The following RO60 variants were observed in gnomAD, a reference collection of about 807,000 sequenced individuals.
RO60 encodes the protein RNA-binding protein RO60.
A neutral mutation model predicts 55.3 loss-of-function variants in RO60; 20 were observed. That is an observed-to-expected ratio of 0.36 (90% CI 0.25 to 0.53). RO60 has a LOEUF of 0.53. Ranked by LOEUF, RO60 falls within the 20% of genes least tolerant of loss-of-function variation. RO60 has a pLI of 0.92. For synonymous variants in RO60, 213 were observed against 213.6 expected (o/e 1.00, Z 0.02); for missense variants, 558 against 646.6 (o/e 0.86, Z 1.49).
In RO60 at chr1:193,081,352, T is replaced by C; in HGVS notation, c.1087-12T>C. On this transcript the variant is annotated splice_polypyrimidine_tract_variant and intron_variant, in intron 5 of 8. Coordinates refer to ENST00000400968, the MANE Select transcript of RO60 (RefSeq NM_001173524.2). ...TGTTATGCTTTTAATGATTGTTTTG[T>C]TTTCTCTGTAGACAGTTGAACCAAC... The C allele has an allele frequency of 1.4e-6, 2 of 1,470,642 alleles. No individual in the cohort carries two copies. The highest frequency in any genetic ancestry group is 9.5e-7 in the Non-Finnish European group (1 of 1,058,004). The allele number at this position is 1,470,642 out of a possible 1,614,324, so 91.1% of individuals were successfully genotyped here. A position where few individuals can be genotyped will look rare whatever the true frequency, so the allele number is the denominator to read the frequency against.
Position 193,090,462 on chromosome 1 carries a change from G to A in RO60, c.*5731G>A, listed in dbSNP as rs1297339902. ...ATGGACTCTCTATATCTGGTATGGC[G>A]TGACTGGGCATAACTTCTGTAATGT... On this transcript the variant is annotated 3_prime_UTR_variant, in exon 9 of 9. Transcript: ENST00000400968. 3 of 151,286 alleles carry A rather than the reference G, an allele frequency of 2.0e-5. No individual in the cohort carries two copies. The highest frequency in any genetic ancestry group is 4.9e-5 in the African/African-American group (2 of 41,144). 9.4% of individuals were successfully genotyped at this position (151,286 alleles called of 1,614,324 possible).
chr1:193,068,834 T>C (rs1247451509), intron 1 of RO60, among the ~76,000 whole-genome samples, 200 bp from the exon 2 acceptor site: 2 of 152,228 alleles, frequency 1.3e-5, no homozygotes, highest in Admixed American at 1.3e-4. Context: ...CAGATATGGT[T>C]TTTTTCTTTC....
intron 5 of RO60, among the ~76,000 whole-genome samples, chr1:193,079,921 G>A (rs1674184715): frequency 1.3e-5 from 2 of 150,934 alleles, no homozygotes; most frequent in South Asian, 2.1e-4. Flanking sequence ...GAGGTCAGGA[G>A]TTCGAGACCA....
downstream of RO60, chr1:193,091,555 T>C: frequency 9.5e-7 from 1 of 1,053,538 alleles, no homozygotes; most frequent in Non-Finnish European, 1.4e-6. Flanking sequence ...TTTGCTGTTT[T>C]CTAATAGAGA....
chr1:193,078,741 C>T (rs1674096352), intron 5 of RO60, among the ~76,000 whole-genome samples: 1 of 151,868 alleles, frequency 6.6e-6, no homozygotes, highest in Non-Finnish European at 1.5e-5. Flanking sequence ...TAAATAGAAA[C>T]ACATCTGTGT....
chr1:193,065,838 T>C (rs1036551072), intron 1 of RO60, among the ~76,000 whole-genome samples: 2 of 152,190 alleles, frequency 1.3e-5, no homozygotes, highest in Non-Finnish European at 2.9e-5. Flanking sequence ...AGCAAATTTA[T>C]ACTAGCGTCT....
rs1674536843 is a variant in RO60, at chr1:193,084,603, ATTGT to A, written c.1494_1497del (p.Cys499GlufsTer2). 2 of 1,612,432 alleles carry A rather than the reference ATTGT, an allele frequency of 1.2e-6. No homozygotes were observed. The highest frequency in any genetic ancestry group is 1.3e-5 in the African/African-American group (1 of 74,964). On this transcript the variant is annotated frameshift_variant, in exon 9 of 9. Coordinates refer to ENST00000400968, the MANE Select transcript of RO60 (RefSeq NM_001173524.2). LOFTEE classifies it high-confidence loss of function. ...GAAAATGGATATTCCAGCTAAATTGATTGTTTGTGGAATGACATCAAATGGTTTC... is the reference window on the plus strand; with the variant it reads ...GAAAATGGATATTCCAGCTAAATTGATTGTGGAATGACATCAAATGGTTTC...
At chr1:193,064,700 G>C (rs569922645) in intron 1 of RO60, among the ~76,000 whole-genome samples, 1 of 152,306 alleles carries the variant, frequency 6.6e-6, no homozygotes, top group African/African-American at 2.4e-5. Flanking sequence ...AGGAAAACCT[G>C]AGCAGTTTCT....
At chr1:193,074,324 A>G (rs1003065204) in intron 2 of RO60, among the ~76,000 whole-genome samples, 1 of 152,184 alleles carries the variant, frequency 6.6e-6, no homozygotes, top group Non-Finnish European at 1.5e-5. Context: ...TGACTTCCAC[A>G]ATGGTTGAAC....
Position 193,082,328 on chromosome 1 carries a change from TAGTTA to T in RO60, c.1317+34_1317+38del, listed in dbSNP as rs1397784773. 5.3e-6 allele frequency: 8 copies of T among 1,496,982 alleles called. No individual in the cohort carries two copies. The African/African-American group carries it at 7.0e-5, about 13-fold the overall frequency. 92.7% of individuals were successfully genotyped at this position (1,496,982 alleles called of 1,614,324 possible). A position where few individuals can be genotyped will look rare whatever the true frequency, so the allele number is the denominator to read the frequency against. On this transcript the variant is annotated intron_variant, in intron 7 of 8. Coordinates refer to ENST00000400968, the MANE Select transcript of RO60 (RefSeq NM_001173524.2). ...AGAAACTGTGTTTTTTAAGTTTACT[TAGTTA>T]AGTTTACATAACGTGTAGAATGATT...
intron 1 of RO60, among the ~76,000 whole-genome samples, chr1:193,063,356 T>C (rs1351479005): frequency 6.6e-6 from 1 of 152,322 alleles, no homozygotes; most frequent in East Asian, 1.9e-4. Flanking sequence ...CTTTACCCAT[T>C]TGTGTGTCTT....
intron 8 of RO60, 52 bp downstream of exon 8, chr1:193,082,760 T>C (rs1030753747): frequency 7.0e-7 from 1 of 1,433,464 alleles, no homozygotes; most frequent in Non-Finnish European, 9.3e-7. Context: ...ATTTTAATAC[T>C]TGATTTTTTT....
At chr1:193,074,761 G>T (rs895717974) in intron 2 of RO60, among the ~76,000 whole-genome samples, 23 of 152,246 alleles carry the variant, frequency 1.5e-4, no homozygotes, top group African/African-American at 5.5e-4. Context: ...GTGAATTTTG[G>T]CTTTTGTTGC....
chr1:193,070,259 C>G (rs1198235661), intron 2 of RO60, among the ~76,000 whole-genome samples: 1 of 152,084 alleles, frequency 6.6e-6, no homozygotes, highest in African/African-American at 2.4e-5. Flanking sequence ...CCCCATCTTC[C>G]TAGGAACCCA....
chr1:193,076,801 A>G (rs902994878), intron 4 of RO60, 112 bp from the exon 5 acceptor site: 6 of 1,353,742 alleles, frequency 4.4e-6, no homozygotes, highest in Middle Eastern at 2.1e-4. Context: ...ATACATTTTC[A>G]TTTTTCTCTT....
chr1:193,074,548 T>C (rs1673761282), intron 2 of RO60, among the ~76,000 whole-genome samples: 1 of 152,216 alleles, frequency 6.6e-6, no homozygotes, highest in Non-Finnish European at 1.5e-5. Context: ...TTGAGAAGTG[T>C]CTGTTCATAT....
rs765495606 is a variant in RO60, at chr1:193,069,358, T to G, written c.304T>G (p.Cys102Gly). 1.9e-6 allele frequency: 3 copies of G among 1,614,086 alleles called. No homozygotes were observed. The highest frequency in any genetic ancestry group is 1.1e-5 in the South Asian group (1 of 91,084). ...MLFALAICSQ[C>G]SDISTKQAAF... ...CTTTGCACTTGCCATTTGTTCCCAG[T>G]GCTCCGACATAAGCACAAAACAAGC... Residue 102 changes from cysteine to glycine, a missense_variant, in exon 2 of 9, where the codon TGC becomes GGC. By Grantham distance (159) the Cys-to-Gly change is radical. Coordinates refer to ENST00000400968, the MANE Select transcript of RO60 (RefSeq NM_001173524.2).
intron 2 of RO60, 55 bp from the exon 3 acceptor site, chr1:193,075,763 TTC>T: frequency 7.8e-7 from 1 of 1,284,470 alleles, no homozygotes; most frequent in Middle Eastern, 2.0e-4. Flanking sequence ...AGGAAACATG[TTC>T]TGTTTTTTTA....
intron 8 of RO60, 26 bp from the exon 9 acceptor site, chr1:193,084,553 A>G: frequency 1.9e-6 from 3 of 1,590,402 alleles, no homozygotes; most frequent in Non-Finnish European, 1.7e-6. Context: ...TATGTTTTTA[A>G]TATGTATTTT....
Sources: gnomAD v4.1 joint callset for allele counts (sites outside exome capture counted in the v4.1 genomes callset) on GRCh38, gnomAD v4.1.1 for gene constraint, MANE v1.5 for transcripts, NCBI Gene and HGNC (gene_info 2026-07-23, HGNC 2026-07-21) for gene names.